Variants in NFILZ observed in about 807,000 individuals in gnomAD.
NFILZ encodes the protein NFIL3 like protein.
intron 3 of NFILZ, among the ~76,000 whole-genome samples, chr19:8,648,850 C>T (rs2042953440): frequency 7.8e-6 from 1 of 127,666 alleles, no homozygotes. Context: ...TGAGACTCTG[C>T]TTAAAAAAAA....
chr19:8,657,295 G>T (rs1455658798), intron 3 of NFILZ, among the ~76,000 whole-genome samples: 4 of 151,766 alleles, frequency 2.6e-5, no homozygotes, highest in Admixed American at 2.6e-4. Flanking sequence ...TAGAGAGGGG[G>T]GTTTCATCAT....
intron 3 of NFILZ, chr19:8,638,553 A>T (rs1280171158): frequency 6.6e-6 from 1 of 152,254 alleles, no homozygotes; most frequent in African/African-American, 2.4e-5. Flanking sequence ...GCCAGGCTCC[A>T]TTCCAAGCAC....
At chr19:8,656,437 CT>C (rs2043000498) in intron 3 of NFILZ, among the ~76,000 whole-genome samples, 9 of 98,120 alleles carry the variant, frequency 9.2e-5, no homozygotes, top group East Asian at 3.6e-4. Context: ...CGCAGCCCAC[CT>C]TCTCCTCGAA....
At chr19:8,662,354 G>T (rs1003006179) in intron 3 of NFILZ, among the ~76,000 whole-genome samples, 1 of 152,058 alleles carries the variant, frequency 6.6e-6, no homozygotes, top group South Asian at 2.1e-4. Flanking sequence ...GTCAGGGGAG[G>T]CTTGCTGAGG....
Position 8,677,583 on chromosome 19 carries a change from G to A in NFILZ, c.818G>A (p.Arg273Gln), listed in dbSNP as rs76528601. The change falls in exon 6 of 6, where the codon CGA becomes CAA. Residue 273 changes from arginine (R) to glutamine (Q), a missense_variant. By Grantham distance (43) the Arg-to-Gln change is conservative. Transcript: ENST00000691075. The stretch of plus-strand genomic sequence containing the variant: ...CCCCACAAACTGCGCATCAAGTCCC[G>A]AGCCTCAGGCAGGGTACCTCGTGGC... ...SLPHKLRIKS[R>Q]ASGRVPRGWE... 0.026 allele frequency: 3,966 copies of A among 152,482 alleles called. 98 individuals carry two copies. Among genetic ancestry groups the A allele is most frequent in the Non-Finnish European group, 0.039 (2,646 of 68,218 alleles). 9.4% of individuals were successfully genotyped at this position (152,482 alleles called of 1,614,324 possible).
intron 3 of NFILZ, among the ~76,000 whole-genome samples, chr19:8,668,427 G>A (rs1439031551): frequency 6.6e-6 from 1 of 152,070 alleles, no homozygotes; most frequent in Admixed American, 6.5e-5. Context: ...ATATCTACAT[G>A]TTTTTCTTTC....
chr19:8,671,831 C>T (rs1050647452), intron 3 of NFILZ, among the ~76,000 whole-genome samples: 2 of 152,196 alleles, frequency 1.3e-5, no homozygotes, highest in Admixed American at 6.5e-5. Context: ...TCTGATGTCC[C>T]CCCAAGACAG....
intron 3 of NFILZ, among the ~76,000 whole-genome samples, chr19:8,648,907 C>T (rs2042953784): frequency 6.6e-6 from 1 of 151,478 alleles, no homozygotes; most frequent in Non-Finnish European, 1.5e-5. Flanking sequence ...TCAGGAAGCC[C>T]CTATCTTTTC....
chr19:8,645,861 C>T (rs1305279380), intron 3 of NFILZ, among the ~76,000 whole-genome samples: 1 of 152,022 alleles, frequency 6.6e-6, no homozygotes, highest in Admixed American at 6.6e-5. Flanking sequence ...AAGCAGCTAG[C>T]TTTTCAGTTA....
chr19:8,656,442 C>CTCTGAAGCCCACCTT lies in NFILZ; in HGVS notation c.-163-18109_-163-18108insTCTGAAGCCCACCTT, dbSNP rs2043000754. On this transcript the variant is annotated intron_variant, in intron 3 of 5. Transcript: ENST00000691075. ...CACCTCTTTCCGCAGCCCACCTTCT[C>CTCTGAAGCCCACCTT]CTCGAAGCCCACCTTCTCTCTGAAG... 1.2e-3 allele frequency among the ~76,000 whole-genome samples: 103 copies of CTCTGAAGCCCACCTT among 83,340 alleles called. 17 individuals are homozygous for CTCTGAAGCCCACCTT. The highest frequency in any genetic ancestry group is 5.0e-3 in the African/African-American group (101 of 20,342). 54.7% of individuals were successfully genotyped at this position (83,340 alleles called of 152,430 possible). A position where few individuals can be genotyped will look rare whatever the true frequency, so the allele number is the denominator to read the frequency against.
rs147691822 is a variant in NFILZ, at chr19:8,651,264, C to T, written c.-164+15518C>T. On this transcript the variant is annotated intron_variant, in intron 3 of 5. Transcript: ENST00000691075. ...GCAACCTCCGCCTCCCAGGTTCAAGCGATTCTCCTGCCTCAGCCTCCTGAG... is the reference window on the plus strand; with the variant it reads ...GCAACCTCCGCCTCCCAGGTTCAAGTGATTCTCCTGCCTCAGCCTCCTGAG... Among the ~76,000 whole-genome samples, 113 of 151,816 alleles carry T rather than the reference C, an allele frequency of 7.4e-4. 1 individual carries two copies. The highest frequency in any genetic ancestry group is 2.1e-3 in the African/African-American group (87 of 41,412).
intron 3 of NFILZ, among the ~76,000 whole-genome samples, chr19:8,644,890 C>G (rs2042932509): frequency 6.6e-6 from 1 of 151,832 alleles, no homozygotes. Flanking sequence ...CCTCAGCCTC[C>G]CAGTAGCTGA....
At chr19:8,639,377 G>A (rs560733873) in intron 3 of NFILZ, among the ~76,000 whole-genome samples, 8 of 152,120 alleles carry the variant, frequency 5.3e-5, no homozygotes, top group South Asian at 2.1e-4. Flanking sequence ...GGAAGTTTGC[G>A]ACCAGCCTGG....
chr19:8,660,189 T>C (rs1041152134), intron 3 of NFILZ, among the ~76,000 whole-genome samples: 2 of 152,148 alleles, frequency 1.3e-5, no homozygotes, highest in Admixed American at 1.3e-4. Flanking sequence ...TGTGTGACCC[T>C]AGGCAAGTCG....
intron 1 of NFILZ, among the ~76,000 whole-genome samples, 198 bp from the exon 2 acceptor site, chr19:8,632,276 CAG>C (rs142198629): frequency 8.8e-5 from 10 of 113,446 alleles, no homozygotes; most frequent in Non-Finnish European, 1.6e-4. Flanking sequence ...GTGTGTGTGT[CAG>C]GGGGTTATTT....
At position 8,675,340 on chromosome 19, in the gene NFILZ, G is replaced by A. The variant is rs147123961; in HGVS notation, c.-114+740G>A. ...GGTGAAGACATCCCCCAGGTGGTTA[G>A]TAGAACCCAGATCTTTGTGTTAGAG... On this transcript the variant is annotated intron_variant, in intron 4 of 5. Transcript: ENST00000691075. 1.2e-4 allele frequency among the ~76,000 whole-genome samples: 19 copies of A among 152,302 alleles called. 1 individual carries two copies. Among genetic ancestry groups the A allele is most frequent in the African/African-American group, 4.3e-4 (18 of 41,558 alleles).
At chr19:8,665,822 G>A (rs1322395810) in intron 3 of NFILZ, among the ~76,000 whole-genome samples, 1 of 152,208 alleles carries the variant, frequency 6.6e-6, no homozygotes, top group African/African-American at 2.4e-5. Flanking sequence ...TCCCTTGTAA[G>A]CGACATGCCT....
At chr19:8,632,747 G>T (rs1555745686) in intron 2 of NFILZ, 122 bp downstream of exon 2, 1 of 150,724 alleles carries the variant, frequency 6.6e-6, no homozygotes, top group Non-Finnish European at 1.5e-5. Context: ...TTTTGAGACG[G>T]AATCTCGCTC....
chr19:8,640,316 G>GTTTTTTTTTTTTTTTTTTTTTTTTT (rs71179871), intron 3 of NFILZ, among the ~76,000 whole-genome samples: 1 of 124,238 alleles, frequency 8.0e-6, no homozygotes, highest in African/African-American at 3.0e-5. Context: ...TCCTGCTGTA[G>GTTTTTTTTTTTTTTTTTTTTTTTTT]TTTTTTTTTT....
Sources: gnomAD v4.1 joint callset for allele counts (sites outside exome capture counted in the v4.1 genomes callset) on GRCh38, gnomAD v4.1.1 for gene constraint, MANE v1.5 for transcripts, NCBI Gene and HGNC (gene_info 2026-07-23, HGNC 2026-07-21) for gene names.